Variants in ME2 observed in about 807,000 individuals in gnomAD.
The protein encoded by ME2 is NAD-dependent malic enzyme, mitochondrial.
Under a neutral mutation model 73.7 loss-of-function variants are expected in ME2, and 60 were observed. That is an observed-to-expected ratio of 0.81 (90% CI 0.66 to 1.01). ME2 has a LOEUF of 1.01. ME2 is among the 50% of genes least tolerant of loss of function. The pLI is 0.00. For missense variants in ME2, 594 were observed against 705.5 expected (o/e 0.84, Z 1.79); for synonymous variants, 199 against 236.9 (o/e 0.84, Z 1.47).
rs757996606 is a variant in ME2 at position 50,912,891 on chromosome 18, A to G, written c.333A>G (p.Val111=). The change falls in exon 4 of 16, where the codon GTA becomes GTG. Residue 111 remains valine, a synonymous_variant. Transcript: ENST00000321341. The part of the protein sequence containing the change: ...QDDIESLMPI[V]YTPTVGLACS... ...ACATTGAGAGTTTAATGCCAATTGT[A>G]TATACACCGACGGTTGGTCTTGCCT... The G allele has an allele frequency of 1.6e-5, 25 of 1,612,362 alleles. No homozygotes were observed. The highest frequency in any genetic ancestry group is 2.0e-5 in the Non-Finnish European group (24 of 1,179,164).
At chr18:50,936,464 G>T (rs1917822070) in intron 13 of ME2, among the ~76,000 whole-genome samples, 2 of 152,198 alleles carry the variant, frequency 1.3e-5, no homozygotes, top group South Asian at 4.1e-4. Flanking sequence ...GAATAAGTGG[G>T]TGGGTACAAC....
At chr18:50,881,379 T>C (rs1317952858) in intron 1 of ME2, among the ~76,000 whole-genome samples, 2 of 152,158 alleles carry the variant, frequency 1.3e-5, no homozygotes, top group Non-Finnish European at 2.9e-5. Context: ...AAAACCTATA[T>C]TTACTAAGGA....
intron 2 of ME2, among the ~76,000 whole-genome samples, chr18:50,903,838 G>A (rs905914177): frequency 1.3e-5 from 2 of 152,110 alleles, no homozygotes; most frequent in Non-Finnish European, 2.9e-5. Context: ...AAAAAAAGAC[G>A]CAAGAGTGAC....
At chr18:50,928,332 G>A (rs1917613358) in intron 12 of ME2, among the ~76,000 whole-genome samples, 1 of 149,458 alleles carries the variant, frequency 6.7e-6, no homozygotes, top group South Asian at 2.1e-4. Context: ...TGCAAACTCT[G>A]CCTCCCAGGT....
intron 7 of ME2, among the ~76,000 whole-genome samples, chr18:50,919,377 A>G (rs1258285148): frequency 6.6e-6 from 1 of 152,172 alleles, no homozygotes; most frequent in African/African-American, 2.4e-5. Context: ...ATATTTAAAC[A>G]TTAATTCCTT....
intron 1 of ME2, among the ~76,000 whole-genome samples, chr18:50,893,758 T>C (rs917958510): frequency 8.5e-5 from 13 of 152,254 alleles, no homozygotes; most frequent in African/African-American, 3.1e-4. Flanking sequence ...CTTTTCCTCT[T>C]ACTCTTTCTG....
At chr18:50,939,241 C>T (rs932241836) in intron 13 of ME2, 3 of 179,564 alleles carry the variant, frequency 1.7e-5, no homozygotes, top group Admixed American at 6.1e-5. Context: ...TTGTCATTGC[C>T]TCTGTAGAGC....
intron 12 of ME2, among the ~76,000 whole-genome samples, chr18:50,928,729 C>G (rs1917623079): frequency 6.6e-6 from 1 of 152,094 alleles, no homozygotes; most frequent in African/African-American, 2.4e-5. Flanking sequence ...TGATATCCAC[C>G]CCTTTGGGTA....
At chr18:50,927,552 A>T (rs1390537866) in intron 12 of ME2, among the ~76,000 whole-genome samples, 2 of 151,422 alleles carry the variant, frequency 1.3e-5, no homozygotes, top group African/African-American at 4.9e-5. Context: ...TACAAAAAAA[A>T]TTAGCCAGAT....
chr18:50,918,294 C>A, intron 7 of ME2, 81 bp downstream of exon 7: 2 of 826,216 alleles, frequency 2.4e-6, no homozygotes, highest in East Asian at 2.7e-5. Flanking sequence ...TTTTGTTTTC[C>A]TTTATTTCTT....
chr18:50,890,733 A>T (rs373865895), intron 1 of ME2, among the ~76,000 whole-genome samples: 1 of 152,110 alleles, frequency 6.6e-6, no homozygotes, highest in Admixed American at 6.5e-5. Flanking sequence ...GTTTTTCTTT[A>T]TATCTAGTTG....
At chr18:50,890,102 C>A (rs1568158605) in intron 1 of ME2, among the ~76,000 whole-genome samples, 1 of 151,648 alleles carries the variant, frequency 6.6e-6, no homozygotes, top group Non-Finnish European at 1.5e-5. Flanking sequence ...GAAAAGCAAC[C>A]CCATTTTCCA....
rs531164494 is a variant in ME2, at chr18:50,895,346, C to T, written c.-12-463C>T. On this transcript the variant is annotated intron_variant, in intron 1 of 15. Coordinates refer to ENST00000321341, the MANE Select transcript of ME2 (RefSeq NM_002396.5). ...AAAATTCTAGTACGTTAAATTTAAACATTAAACATAGTCCATTAAAATTCT... is the reference window on the plus strand; with the variant it reads ...AAAATTCTAGTACGTTAAATTTAAATATTAAACATAGTCCATTAAAATTCT... 2.7e-3 allele frequency among the ~76,000 whole-genome samples: 408 copies of T among 152,236 alleles called. 2 individuals carry two copies. The highest frequency in any genetic ancestry group is 4.3e-3 in the South Asian group (21 of 4,828).
rs529557819 is a variant in ME2, at chr18:50,929,392, G to A, written c.1315-2866G>A. ...TAGTCCCAGCTACTCAGGAGGCTGA[G>A]GCTGGAGAATAGTCTGAACCCAGGA... On this transcript the variant is annotated intron_variant, in intron 12 of 15. Coordinates refer to ENST00000321341, the MANE Select transcript of ME2 (RefSeq NM_002396.5). 2.0e-5 allele frequency among the ~76,000 whole-genome samples: 3 copies of A among 151,716 alleles called. No homozygotes were observed. The East Asian group carries it at 5.8e-4, about 29-fold the overall frequency.
chr18:50,908,951 CTTTTCT>C (rs1376737563), intron 3 of ME2, among the ~76,000 whole-genome samples: 2 of 104,602 alleles, frequency 1.9e-5, no homozygotes, highest in Non-Finnish European at 3.7e-5. Context: ...TTTTTCTTTT[CTTTTCT>C]TTTTTTTTTT....
intron 6 of ME2, 64 bp downstream of exon 6, chr18:50,917,572 C>A: frequency 8.4e-7 from 1 of 1,185,426 alleles, no homozygotes; most frequent in Non-Finnish European, 1.1e-6. Flanking sequence ...TACAATATTC[C>A]TTTTTTGAAA....
chr18:50,939,274 G>GTC, intron 13 of ME2: 25 of 242,052 alleles, frequency 1.0e-4, no homozygotes, highest in Admixed American at 2.1e-4. Context: ...GTTAGAGGTG[G>GTC]GCTGGGAACT....
At chr18:50,884,849 T>C (rs1409989505) in intron 1 of ME2, among the ~76,000 whole-genome samples, 1 of 150,492 alleles carries the variant, frequency 6.6e-6, no homozygotes, top group Admixed American at 6.6e-5. Context: ...TGTTTGTGTG[T>C]GTGTGTGTGT....
intron 5 of ME2, chr18:50,917,142 C>T: frequency 2.4e-6 from 1 of 414,804 alleles, no homozygotes; most frequent in Non-Finnish European, 4.4e-6. Context: ...AGAGGGAAAT[C>T]AAATCTAGTT....
Sources: gnomAD v4.1 joint callset for allele counts (sites outside exome capture counted in the v4.1 genomes callset) on GRCh38, gnomAD v4.1.1 for gene constraint, MANE v1.5 for transcripts, NCBI Gene and HGNC (gene_info 2026-07-23, HGNC 2026-07-21) for gene names.